The following NUTF2 variants were observed in gnomAD, a reference collection of about 807,000 sequenced individuals.
The protein encoded by NUTF2 is nuclear transport factor 2.
In NUTF2, 3 loss-of-function variants were observed where a neutral mutation model predicts 18.5. The ratio of observed to expected loss-of-function variants is 0.16; its 90% CI spans 0.07 to 0.42. The LOEUF (loss-of-function observed/expected upper bound fraction) is 0.42, where lower values mean the gene tolerates loss of function less well. Ranked by LOEUF, NUTF2 falls within the 10% of genes least tolerant of loss-of-function variation. The pLI is 0.99. For missense variants in NUTF2, 44 were observed against 160.7 expected (o/e 0.27, Z 3.93); for synonymous variants, 51 against 57.9 (o/e 0.88, Z 0.54).
At chr16:67,857,156 C>T (rs1365306579) in intron 1 of NUTF2, among the ~76,000 whole-genome samples, 2 of 152,214 alleles carry the variant, frequency 1.3e-5, no homozygotes, top group Non-Finnish European at 2.9e-5. Flanking sequence ...ACCTGACAAT[C>T]AAGTTCATGG....
intron 1 of NUTF2, chr16:67,847,337 C>T (rs905649164): frequency 2.6e-5 from 4 of 152,414 alleles, no homozygotes; most frequent in African/African-American, 9.6e-5. Flanking sequence ...CCGGCCTGCG[C>T]GAGCCCCGCA....
At chr16:67,861,709 G>A (rs2057936452) in intron 1 of NUTF2, among the ~76,000 whole-genome samples, 1 of 152,234 alleles carries the variant, frequency 6.6e-6, no homozygotes, top group Non-Finnish European at 1.5e-5. Context: ...TGTAGGAGAA[G>A]CTGTCATGAT....
At chr16:67,851,416 C>T (rs898427519) in intron 1 of NUTF2, among the ~76,000 whole-genome samples, 4 of 150,154 alleles carry the variant, frequency 2.7e-5, no homozygotes, top group African/African-American at 9.8e-5. Flanking sequence ...GGGAGGCGGA[C>T]GTTGCAGTGA....
At chr16:67,858,454 A>G (rs1209077218) in intron 1 of NUTF2, among the ~76,000 whole-genome samples, 1 of 152,220 alleles carries the variant, frequency 6.6e-6, no homozygotes, top group African/African-American at 2.4e-5. Flanking sequence ...GGCGTGAGCC[A>G]CTGTACCTGG....
chr16:67,866,279 A>T (rs947300677), intron 2 of NUTF2, among the ~76,000 whole-genome samples: 1 of 150,938 alleles, frequency 6.6e-6, no homozygotes, highest in Non-Finnish European at 1.5e-5. Context: ...TCCAGCACAG[A>T]TATTTGATTG....
chr16:67,868,495 T>C lies in NUTF2; in HGVS notation c.172-6T>C. ...GTTCTCCCACCTCCCACTCTCTCTC[T>C]TGTAGAGCCTTCCGTTCCAGAAAAT... On this transcript the variant is annotated splice_region_variant and splice_polypyrimidine_tract_variant and intron_variant, in intron 3 of 4. Coordinates refer to ENST00000219169, the MANE Select transcript of NUTF2 (RefSeq NM_005796.3). 2 of 1,613,532 alleles carry C rather than the reference T, an allele frequency of 1.2e-6. No individual in the cohort carries two copies. Among genetic ancestry groups the C allele is most frequent in the Non-Finnish European group, 1.7e-6 (2 of 1,179,496 alleles).
chr16:67,865,863 C>T (rs925921871), intron 2 of NUTF2, among the ~76,000 whole-genome samples: 1 of 151,942 alleles, frequency 6.6e-6, no homozygotes. Flanking sequence ...GGATTACAGG[C>T]GCCTGCCCCC....
At chr16:67,855,137 A>G (rs1399929873) in intron 1 of NUTF2, among the ~76,000 whole-genome samples, 1 of 152,026 alleles carries the variant, frequency 6.6e-6, no homozygotes, top group African/African-American at 2.4e-5. Flanking sequence ...TCCTTTGATC[A>G]TATATGGCAG....
chr16:67,859,977 T>TG (rs1248480321), intron 1 of NUTF2, among the ~76,000 whole-genome samples: 18 of 147,078 alleles, frequency 1.2e-4, no homozygotes, highest in Middle Eastern at 7.3e-3. Flanking sequence ...TATTTTATTA[T>TG]TTTTTTTTTT....
intron 4 of NUTF2, chr16:67,868,986 G>A (rs548120519): frequency 4.6e-4 from 78 of 170,002 alleles, no homozygotes; most frequent in Admixed American, 6.9e-4. Context: ...AGCTGGGTGC[G>A]GAGAGGCAGT....
chr16:67,864,295 G>A (rs923571455), intron 1 of NUTF2, among the ~76,000 whole-genome samples: 4 of 152,172 alleles, frequency 2.6e-5, no homozygotes, highest in Non-Finnish European at 4.4e-5. Context: ...TGGATCACTT[G>A]CAGTCTGGAG....
chr16:67,849,278 T>TGAG (rs1256471762), intron 1 of NUTF2, among the ~76,000 whole-genome samples: 1 of 152,238 alleles, frequency 6.6e-6, no homozygotes, highest in East Asian at 1.9e-4. Flanking sequence ...AGATTTCAGG[T>TGAG]GAGCTGGCTT....
intron 1 of NUTF2, chr16:67,855,950 C>T (rs561396387): frequency 1.9e-6 from 2 of 1,074,466 alleles, no homozygotes; most frequent in Admixed American, 4.1e-5. Flanking sequence ...GGCAGATGTC[C>T]AGCCTCAGAA....
chr16:67,867,494 C>G (rs1598169463), intron 2 of NUTF2, among the ~76,000 whole-genome samples: 1 of 152,110 alleles, frequency 6.6e-6, no homozygotes, highest in South Asian at 2.1e-4. Context: ...TGAGGTGGAA[C>G]TAAGCTAAGT....
At chr16:67,870,496 A>AT in intron 4 of NUTF2, 1 of 350,474 alleles carries the variant, frequency 2.9e-6, no homozygotes, top group Non-Finnish European at 5.2e-6. Context: ...GTGTCTGGAG[A>AT]TATGTGCTTG....
chr16:67,856,833 A>G (rs2057901315), intron 1 of NUTF2, among the ~76,000 whole-genome samples: 1 of 152,180 alleles, frequency 6.6e-6, no homozygotes, highest in Admixed American at 6.5e-5. Context: ...TTTTGTGGAC[A>G]TTCTAATGCT....
At chr16:67,859,453 G>A (rs1392234978) in intron 1 of NUTF2, among the ~76,000 whole-genome samples, 5 of 151,462 alleles carry the variant, frequency 3.3e-5, no homozygotes, top group Non-Finnish European at 4.4e-5. Context: ...GGGTTCAAGC[G>A]ATTCTCCTGC....
At chr16:67,862,843 G>T (rs541690139) in intron 1 of NUTF2, among the ~76,000 whole-genome samples, 1 of 152,228 alleles carries the variant, frequency 6.6e-6, no homozygotes, top group South Asian at 2.1e-4. Context: ...CATGCCCCGG[G>T]ACATTTGCTG....
At chr16:67,862,821 C>T (rs1398840069) in intron 1 of NUTF2, among the ~76,000 whole-genome samples, 2 of 152,112 alleles carry the variant, frequency 1.3e-5, no homozygotes, top group Non-Finnish European at 2.9e-5. Context: ...GGGGACAGAG[C>T]GAGACCCTTT....
Sources: allele counts gnomAD v4.1 joint callset (sites outside exome capture counted in the v4.1 genomes callset), GRCh38; gene constraint gnomAD v4.1.1; transcripts MANE v1.5; gene names NCBI Gene and HGNC (gene_info 2026-07-23, HGNC 2026-07-21).